ARHGEF26: variants seen among roughly 807,000 people sequenced by gnomAD.
The protein encoded by ARHGEF26 is Rho guanine nucleotide exchange factor 26.
A neutral mutation model predicts 89.4 loss-of-function variants in ARHGEF26; 59 were observed. The ratio of observed to expected loss-of-function variants is 0.66; its 90% CI spans 0.54 to 0.82. The LOEUF (loss-of-function observed/expected upper bound fraction) is 0.82. Among genes scored for constraint, ARHGEF26 ranks in the 40% least tolerant of loss-of-function variants. The probability of loss-of-function intolerance (pLI) is 0.00; values close to 1 mark genes in which losing one functional copy is unlikely to be tolerated. For missense variants in ARHGEF26, 1,234 were observed against 1,085.6 expected (o/e 1.14, Z -1.92); for synonymous variants, 500 against 428.4 (o/e 1.17, Z -2.06).
intron 6 of ARHGEF26, among the ~76,000 whole-genome samples, chr3:154,182,628 C>A (rs996867925): frequency 6.6e-6 from 1 of 152,122 alleles, no homozygotes; most frequent in African/African-American, 2.4e-5. Context: ...GGAAAATGAT[C>A]TTTTTCTTTG....
At chr3:154,194,320 C>A (rs78445051) in intron 8 of ARHGEF26, among the ~76,000 whole-genome samples, 287 of 152,228 alleles carry the variant, frequency 1.9e-3, no homozygotes, top group African/African-American at 6.7e-3. Flanking sequence ...CCCAGTTTTA[C>A]AGATGAGGAA....
Position 154,152,796 on chromosome 3 carries a change from G to T in ARHGEF26, c.1351G>T (p.Glu451Ter). 1 of 1,547,490 alleles carries T rather than the reference G, an allele frequency of 6.5e-7. No homozygotes were observed. Among genetic ancestry groups the T allele is most frequent in the Non-Finnish European group, 8.7e-7 (1 of 1,144,958 alleles). The change falls in exon 6 of 15, where the codon GAA (glutamate) becomes TAA (stop). Residue 451 changes from glutamate (E) to a stop codon, truncating the protein, a stop_gained. Transcript: ENST00000465093. LOFTEE classifies it high-confidence loss of function. ...QEAIFEVISS[E>*]HSYLLSLEIL... ...GGCTATCTTTGAAGTCATATCCTCT[G>T]AACATTCATATTTACTCAGCTTGGA...
Position 154,124,466 on chromosome 3 carries a change from C to A in ARHGEF26, c.1123+17C>A. On this transcript the variant is annotated intron_variant, in intron 3 of 14. Coordinates refer to ENST00000465093, the MANE Select transcript of ARHGEF26 (RefSeq NM_015595.4). ...ATGGGGAAGGTAAGCATTTAATTTT[C>A]CAAACTTTCATTGCTGTTTCAATGT... is the stretch of plus-strand genomic sequence containing the variant. 1.3e-6 allele frequency: 2 copies of A among 1,520,952 alleles called. No homozygotes were observed. Among genetic ancestry groups the A allele is most frequent in the South Asian group, 1.3e-5 (1 of 76,582 alleles). 94.2% of individuals were successfully genotyped at this position (1,520,952 alleles called of 1,614,324 possible).
At chr3:154,145,139 A>G (rs892225889) in intron 4 of ARHGEF26, among the ~76,000 whole-genome samples, 1 of 152,014 alleles carries the variant, frequency 6.6e-6, no homozygotes, top group East Asian at 1.9e-4. Context: ...AAGAGAGCCT[A>G]TTGGGTCTGG....
intron 1 of ARHGEF26, 34 bp from the exon 2 acceptor site, chr3:154,121,908 A>G (rs1399767624): frequency 1.7e-5 from 25 of 1,495,290 alleles, no homozygotes; most frequent in East Asian, 6.9e-5. Flanking sequence ...CCGGTTGTCC[A>G]GAGGCACAGT....
chr3:154,144,681 G>C (rs1038213013), intron 4 of ARHGEF26, among the ~76,000 whole-genome samples: 1 of 152,230 alleles, frequency 6.6e-6, no homozygotes, highest in African/African-American at 2.4e-5. Context: ...GCAGGGCATA[G>C]AGGAGCAAGT....
chr3:154,210,593 G>T (rs1213071312), intron 9 of ARHGEF26, among the ~76,000 whole-genome samples: 5 of 151,836 alleles, frequency 3.3e-5, no homozygotes, highest in Non-Finnish European at 5.9e-5. Flanking sequence ...GGGATGACAG[G>T]CGTGAGCCAC....
At chr3:154,221,684 T>C (rs1716139642) in intron 10 of ARHGEF26, among the ~76,000 whole-genome samples, 1 of 152,236 alleles carries the variant, frequency 6.6e-6, no homozygotes, top group Non-Finnish European at 1.5e-5. Flanking sequence ...AGCTTTCTTA[T>C]ATATTATTAA....
intron 9 of ARHGEF26, among the ~76,000 whole-genome samples, chr3:154,213,914 G>A (rs1715562963): frequency 6.6e-6 from 1 of 152,152 alleles, no homozygotes; most frequent in Non-Finnish European, 1.5e-5. Context: ...TGGGCTCTGG[G>A]CTTACAATTA....
At chr3:154,126,307 A>G (rs1390695807) in intron 3 of ARHGEF26, among the ~76,000 whole-genome samples, 1 of 152,134 alleles carries the variant, frequency 6.6e-6, no homozygotes, top group Non-Finnish European at 1.5e-5. Flanking sequence ...AAATGCCCCA[A>G]ACCAAACTCA....
intron 6 of ARHGEF26, among the ~76,000 whole-genome samples, chr3:154,162,531 G>A (rs549479359): frequency 1.2e-4 from 19 of 152,194 alleles, no homozygotes; most frequent in African/African-American, 4.3e-4. Context: ...CTATAATGTT[G>A]ATGAGGGGAA....
At chr3:154,213,834 T>C (rs111283588) in intron 9 of ARHGEF26, among the ~76,000 whole-genome samples, 116 of 152,228 alleles carry the variant, frequency 7.6e-4, no homozygotes, top group African/African-American at 2.6e-3. Flanking sequence ...GACTTACAAA[T>C]AGGCTCTGAA....
intron 10 of ARHGEF26, among the ~76,000 whole-genome samples, chr3:154,225,215 G>A (rs1716409958): frequency 6.6e-6 from 1 of 152,002 alleles, no homozygotes; most frequent in South Asian, 2.1e-4. Flanking sequence ...GGATTATTTT[G>A]GAAGAACCTC....
chr3:154,188,872 A>G (rs1185422688), intron 7 of ARHGEF26, among the ~76,000 whole-genome samples: 3 of 152,126 alleles, frequency 2.0e-5, no homozygotes, highest in African/African-American at 7.2e-5. Context: ...AACCCCAATG[A>G]GATTTTTAGT....
intron 4 of ARHGEF26, among the ~76,000 whole-genome samples, chr3:154,147,936 C>T (rs754443093): frequency 6.6e-6 from 1 of 152,174 alleles, no homozygotes; most frequent in Non-Finnish European, 1.5e-5. Flanking sequence ...ATCATTCTCT[C>T]CCCTCTTGGG....
rs560705345 is a variant in ARHGEF26 at position 154,213,109 on chromosome 3, A to G, written c.1846-4760A>G. Reference sequence around the variant, plus strand: ...TATTTCAGAGTGTCTATCTTACTGCATACTGCCAGGATCAGATATTCTATT... The same window carrying G: ...TATTTCAGAGTGTCTATCTTACTGCGTACTGCCAGGATCAGATATTCTATT... On this transcript the variant is annotated intron_variant, in intron 9 of 14. Coordinates refer to ENST00000465093, the MANE Select transcript of ARHGEF26 (RefSeq NM_015595.4). 1.1e-4 allele frequency among the ~76,000 whole-genome samples: 16 copies of G among 152,222 alleles called. No homozygotes were observed. The South Asian group carries it at 1.5e-3, about 14-fold the overall frequency.
At chr3:154,176,639 G>A (rs925560561) in intron 6 of ARHGEF26, among the ~76,000 whole-genome samples, 3 of 152,188 alleles carry the variant, frequency 2.0e-5, no homozygotes, top group Non-Finnish European at 4.4e-5. Flanking sequence ...GAACCAAGAT[G>A]AGGCGTGCCT....
In ARHGEF26 at chr3:154,256,080, A is replaced by G; in HGVS notation, c.*607A>G. The G allele has an allele frequency of 1.0e-6, 1 of 985,558 alleles. No individual in the cohort carries two copies. Among genetic ancestry groups the G allele is most frequent in the Non-Finnish European group, 1.2e-6 (1 of 829,670 alleles). 61.1% of individuals were successfully genotyped at this position (985,558 alleles called of 1,614,324 possible). ...TGTCACCTTTTTCCTCATTAGAAGG[A>G]AAGTAGAAAGCCTTACTTTAGGATT... On this transcript the variant is annotated 3_prime_UTR_variant, in exon 15 of 15. Transcript: ENST00000465093.
intron 6 of ARHGEF26, among the ~76,000 whole-genome samples, chr3:154,173,704 A>G (rs904948047): frequency 1.3e-5 from 2 of 152,128 alleles, no homozygotes; most frequent in East Asian, 3.9e-4. Context: ...TTTGCAATCT[A>G]TTGCTTGTCT....
Sources: allele counts gnomAD v4.1 joint callset (sites outside exome capture counted in the v4.1 genomes callset), GRCh38; gene constraint gnomAD v4.1.1; transcripts MANE v1.5; gene names NCBI Gene and HGNC (gene_info 2026-07-23, HGNC 2026-07-21).